The following RUNX1 variants were observed in gnomAD, a reference collection of about 807,000 sequenced individuals.
RUNX1 encodes runt-related transcription factor 1.
Under a neutral mutation model 42.8 loss-of-function variants are expected in RUNX1, and 19 were observed. That is an observed-to-expected ratio of 0.44 (90% CI 0.31 to 0.65). The LOEUF is 0.65. Among genes scored for constraint, RUNX1 ranks in the 30% least tolerant of loss-of-function variants. The probability of loss-of-function intolerance (pLI) is 0.07; values close to 1 mark genes in which losing one functional copy is unlikely to be tolerated. For synonymous variants in RUNX1, 271 were observed against 289.4 expected, an observed-to-expected ratio of 0.94 and a Z score of 0.64; for missense variants, 528 against 672.0, an observed-to-expected ratio of 0.79 and a Z score of 2.37.
intron 5 of RUNX1, among the ~76,000 whole-genome samples, chr21:34,868,467 G>C (rs556774634): frequency 2.8e-4 from 43 of 152,134 alleles, no homozygotes; most frequent in African/African-American, 9.2e-4. Context: ...TCTCTGTAAG[G>C]CTCCCCGCCA....
At chr21:34,875,615 T>C (rs1284024246) in intron 5 of RUNX1, among the ~76,000 whole-genome samples, 1 of 152,176 alleles carries the variant, frequency 6.6e-6, no homozygotes, top group Non-Finnish European at 1.5e-5. Context: ...GTGAAACAAC[T>C]CTGGGGTGGT....
At chr21:34,930,270 G>GTGTGTATATA (rs372412304) in intron 2 of RUNX1, among the ~76,000 whole-genome samples, 41 of 123,010 alleles carry the variant, frequency 3.3e-4, no homozygotes, top group South Asian at 4.7e-4. Flanking sequence ...GTGTGTGTAT[G>GTGTGTATATA]TATATATATA....
intron 7 of RUNX1, among the ~76,000 whole-genome samples, chr21:34,814,321 C>T (rs1486337789): frequency 3.3e-5 from 5 of 152,048 alleles, no homozygotes; most frequent in East Asian, 3.9e-4. Flanking sequence ...TTGAGGTGGT[C>T]GTGGGGAGGA....
chr21:34,836,627 A>C (rs985035496), intron 6 of RUNX1, among the ~76,000 whole-genome samples: 1 of 152,236 alleles, frequency 6.6e-6, no homozygotes, highest in Non-Finnish European at 1.5e-5. Flanking sequence ...GTAAAGAAGA[A>C]GGCAGGAACA....
intron 2 of RUNX1, among the ~76,000 whole-genome samples, chr21:34,895,434 G>A (rs1157119494): frequency 6.6e-6 from 1 of 152,196 alleles, no homozygotes; most frequent in Non-Finnish European, 1.5e-5. Context: ...AGGGTCCCAG[G>A]AACTGGTGGG....
At chr21:34,870,509 A>G (rs982904977) in intron 5 of RUNX1, among the ~76,000 whole-genome samples, 1 of 152,228 alleles carries the variant, frequency 6.6e-6, no homozygotes, top group Non-Finnish European at 1.5e-5. Flanking sequence ...GCCCCTGAGT[A>G]GAGGCCAGGG....
At chr21:34,903,818 C>A (rs1487980519) in intron 2 of RUNX1, among the ~76,000 whole-genome samples, 2 of 152,070 alleles carry the variant, frequency 1.3e-5, no homozygotes, top group Admixed American at 6.6e-5. Flanking sequence ...CTTGTGGGGT[C>A]ATGAAATTGC....
chr21:34,977,121 C>T (rs748329943), intron 2 of RUNX1, among the ~76,000 whole-genome samples: 1 of 152,090 alleles, frequency 6.6e-6, no homozygotes, highest in Non-Finnish European at 1.5e-5. Flanking sequence ...GTTGTTGCTG[C>T]CGTTTTACTG....
chr21:34,979,267 A>C (rs1331368890), intron 2 of RUNX1, among the ~76,000 whole-genome samples: 3 of 152,138 alleles, frequency 2.0e-5, no homozygotes, highest in Non-Finnish European at 4.4e-5. Context: ...GATATGCCTC[A>C]AGCGTTATAT....
At chr21:35,036,433 G>A (rs775627553) in intron 2 of RUNX1, among the ~76,000 whole-genome samples, 1 of 152,112 alleles carries the variant, frequency 6.6e-6, no homozygotes, top group Non-Finnish European at 1.5e-5. Context: ...CAGGCTTTGC[G>A]GGGAGAAAGT....
intron 6 of RUNX1, 89 bp downstream of exon 6, chr21:34,859,385 C>T (rs1371392002): frequency 9.2e-7 from 1 of 1,089,750 alleles, no homozygotes; most frequent in South Asian, 1.2e-5. Flanking sequence ...AGGTTGAACC[C>T]AAGGAATCTG....
At chr21:34,953,538 T>C (rs962626876) in intron 2 of RUNX1, among the ~76,000 whole-genome samples, 2 of 152,138 alleles carry the variant, frequency 1.3e-5, no homozygotes, top group African/African-American at 4.8e-5. Context: ...AGAAGAAAGA[T>C]ATAAGGAGTC....
At chr21:34,957,664 C>G (rs2058654513) in intron 2 of RUNX1, among the ~76,000 whole-genome samples, 1 of 152,192 alleles carries the variant, frequency 6.6e-6, no homozygotes, top group African/African-American at 2.4e-5. Context: ...ATTCTAGACA[C>G]ACATCATGAT....
At chr21:34,996,392 G>C (rs2146854710) in intron 2 of RUNX1, among the ~76,000 whole-genome samples, 1 of 152,254 alleles carries the variant, frequency 6.6e-6, no homozygotes, top group African/African-American at 2.4e-5. Context: ...GCTGGGAACT[G>C]GGGGCTGGGG....
chr21:34,926,689 T>C (rs2058397718), intron 2 of RUNX1, among the ~76,000 whole-genome samples: 1 of 151,960 alleles, frequency 6.6e-6, no homozygotes, highest in Non-Finnish European at 1.5e-5. Context: ...ACATATCAGG[T>C]TAAGGTATGT....
At chr21:34,807,662 G>A (rs1217810027) in intron 7 of RUNX1, among the ~76,000 whole-genome samples, 5 of 152,120 alleles carry the variant, frequency 3.3e-5, no homozygotes, top group Non-Finnish European at 7.4e-5. Context: ...TGCCCTCTTG[G>A]AGACCTCAGA....
At chr21:34,941,420 C>T (rs1376513437) in intron 2 of RUNX1, among the ~76,000 whole-genome samples, 2 of 152,212 alleles carry the variant, frequency 1.3e-5, no homozygotes, top group African/African-American at 2.4e-5. Flanking sequence ...CATGTGGGTT[C>T]GGATTTTTGC....
At chr21:34,889,875 C>G in intron 3 of RUNX1, 5 of 1,070,266 alleles carry the variant, frequency 4.7e-6, no homozygotes, top group Non-Finnish European at 4.5e-6. Flanking sequence ...GGGCCCTGCA[C>G]CTCCCGGGGC....
intron 2 of RUNX1, among the ~76,000 whole-genome samples, chr21:34,949,050 G>A (rs531757799): frequency 3.3e-5 from 5 of 152,100 alleles, no homozygotes; most frequent in Admixed American, 6.5e-5. Context: ...CACTGTGCCC[G>A]GCCGGGATGT....
Sources: gnomAD v4.1 joint callset for allele counts (sites outside exome capture counted in the v4.1 genomes callset) on GRCh38, gnomAD v4.1.1 for gene constraint, MANE v1.5 for transcripts, NCBI Gene and HGNC (gene_info 2026-07-23, HGNC 2026-07-21) for gene names.